Variants in CLSTN2 observed in about 807,000 individuals in gnomAD.
CLSTN2 encodes calsyntenin-2.
A neutral mutation model predicts 101.2 loss-of-function variants in CLSTN2; 48 were observed. The ratio of observed to expected loss-of-function variants is 0.47; its 90% CI spans 0.38 to 0.60. CLSTN2 has a LOEUF of 0.60. CLSTN2 is among the 20% of genes least tolerant of loss of function. CLSTN2 has a pLI of 0.00. For synonymous variants in CLSTN2, 481 were observed against 463.6 expected (o/e 1.04, Z -0.48); for missense variants, 1,160 against 1,238.2 (o/e 0.94, Z 0.95).
Position 140,034,459 on chromosome 3 carries a change from G to A in CLSTN2, c.109+98976G>A, listed in dbSNP as rs572567054. ...AATTGGAATCAAAGTTTGAAATGGGGCTTGTACTCCCCATAGAGGTACCCT... is the reference window on the plus strand; with the variant it reads ...AATTGGAATCAAAGTTTGAAATGGGACTTGTACTCCCCATAGAGGTACCCT... On this transcript the variant is annotated intron_variant, in intron 1 of 16. Coordinates refer to ENST00000458420, the MANE Select transcript of CLSTN2 (RefSeq NM_022131.3). Among the ~76,000 whole-genome samples, 6 of 152,304 alleles carry A rather than the reference G, an allele frequency of 3.9e-5. No individual in the cohort carries two copies. In the South Asian group the frequency reaches 1.2e-3, roughly 32 times the overall value.
At chr3:140,262,099 T>C (rs76605415) in intron 2 of CLSTN2, among the ~76,000 whole-genome samples, 1,538 of 152,332 alleles carry the variant, frequency 0.01, 26 homozygotes, top group African/African-American at 0.035. Flanking sequence ...AGTTTTTTGA[T>C]TTGGGAAATG....
chr3:140,125,421 A>T (rs2009413964), intron 1 of CLSTN2, among the ~76,000 whole-genome samples: 1 of 151,984 alleles, frequency 6.6e-6, no homozygotes, highest in Non-Finnish European at 1.5e-5. Flanking sequence ...CATGGGGAGG[A>T]GGGAGGTTTC....
chr3:139,954,669 T>TC (rs1253030179), intron 1 of CLSTN2, among the ~76,000 whole-genome samples: 1 of 152,162 alleles, frequency 6.6e-6, no homozygotes. Flanking sequence ...TTCAGTATTT[T>TC]CCCAGAGCAC....
At chr3:140,118,345 G>T (rs1163188950) in intron 1 of CLSTN2, among the ~76,000 whole-genome samples, 1 of 152,156 alleles carries the variant, frequency 6.6e-6, no homozygotes, top group Non-Finnish European at 1.5e-5. Context: ...AAAGACAAAA[G>T]AAAAGTGGGA....
chr3:140,563,178 C>T lies in CLSTN2; in HGVS notation c.2457C>T (p.Ser819=). ...PFLQSVHHPE[S]RSSIQHSSVV... Reference sequence around the variant, plus strand: ...TCCAGTCTGTCCATCATCCTGAGTCCCGGAGTAGCATCCAGCACAGTTCAG... The same window carrying T: ...TCCAGTCTGTCCATCATCCTGAGTCTCGGAGTAGCATCCAGCACAGTTCAG... The change falls in exon 15 of 17, where the codon TCC becomes TCT. Residue 819 remains serine, a synonymous_variant. Coordinates refer to ENST00000458420, the MANE Select transcript of CLSTN2 (RefSeq NM_022131.3). The T allele has an allele frequency of 6.2e-7, 1 of 1,614,058 alleles. No homozygotes were observed. The highest frequency in any genetic ancestry group is 2.2e-5 in the East Asian group (1 of 44,870).
intron 1 of CLSTN2, among the ~76,000 whole-genome samples, chr3:140,001,858 G>T (rs1041388947): frequency 5.3e-5 from 8 of 151,914 alleles, no homozygotes; most frequent in African/African-American, 1.9e-4. Context: ...CCATAAATAA[G>T]TGGGAACGTG....
chr3:140,240,325 C>T (rs143455932), intron 2 of CLSTN2, among the ~76,000 whole-genome samples: 7 of 148,930 alleles, frequency 4.7e-5, no homozygotes, highest in Non-Finnish European at 1.0e-4. Context: ...CACACATACA[C>T]ATACACATAC....
At chr3:140,396,441 T>C (rs1009673489) in intron 2 of CLSTN2, among the ~76,000 whole-genome samples, 1 of 152,140 alleles carries the variant, frequency 6.6e-6, no homozygotes, top group African/African-American at 2.4e-5. Context: ...TTGCCTGAGG[T>C]GTGTGACTTT....
intron 2 of CLSTN2, among the ~76,000 whole-genome samples, chr3:140,367,511 CAAAAA>C (rs34398474): frequency 6.0e-3 from 578 of 96,792 alleles, no homozygotes; most frequent in African/African-American, 6.6e-3. Context: ...CACTTTGTCT[CAAAAA>C]AAAAAAAAAA....
intron 1 of CLSTN2, among the ~76,000 whole-genome samples, chr3:140,034,908 G>A (rs768336): frequency 0.52 from 79,688 of 152,034 alleles, 22,244 homozygotes; most frequent in South Asian, 0.76. Context: ...GTACACAACA[G>A]AAGTTAGGAT....
chr3:140,205,181 C>A (rs1195871634), intron 2 of CLSTN2, among the ~76,000 whole-genome samples: 2 of 152,222 alleles, frequency 1.3e-5, no homozygotes, highest in Non-Finnish European at 2.9e-5. Context: ...GATCACACAG[C>A]ATCCAAAGGT....
intron 1 of CLSTN2, among the ~76,000 whole-genome samples, chr3:140,163,255 C>T (rs2010079666): frequency 6.6e-6 from 1 of 152,126 alleles, no homozygotes. Context: ...AGTTGAAGAG[C>T]TTTGACAGCA....
intron 1 of CLSTN2, among the ~76,000 whole-genome samples, chr3:140,171,692 ATTAATATATAATATGT>A (rs2010223060): frequency 9.6e-6 from 1 of 104,244 alleles, no homozygotes; most frequent in Non-Finnish European, 1.8e-5. Context: ...TATAATATAT[ATTAATATATAATATGT>A]ATTATGTATT....
At chr3:140,044,464 G>A (rs1576407786) in intron 1 of CLSTN2, among the ~76,000 whole-genome samples, 1 of 152,316 alleles carries the variant, frequency 6.6e-6, no homozygotes, top group Non-Finnish European at 1.5e-5. Context: ...ATACAATCAT[G>A]TCATCTGCAA....
At chr3:140,190,591 C>T (rs1475150278) in intron 2 of CLSTN2, among the ~76,000 whole-genome samples, 4 of 151,792 alleles carry the variant, frequency 2.6e-5, no homozygotes, top group African/African-American at 9.7e-5. Flanking sequence ...CATTTCTTTT[C>T]TTTCATTAGT....
intron 10 of CLSTN2, among the ~76,000 whole-genome samples, chr3:140,548,028 G>A (rs113392512): frequency 3.0e-4 from 46 of 152,294 alleles, no homozygotes; most frequent in African/African-American, 1.1e-3. Context: ...CCTGCCTTGG[G>A]CCTGCCTCTC....
At chr3:140,430,964 T>A (rs1186844388) in intron 5 of CLSTN2, among the ~76,000 whole-genome samples, 3 of 152,162 alleles carry the variant, frequency 2.0e-5, no homozygotes, top group Admixed American at 6.5e-5. Context: ...AAAAGGGGAT[T>A]GAGAATTTCC....
intron 7 of CLSTN2, among the ~76,000 whole-genome samples, chr3:140,465,503 G>A (rs1221167922): frequency 2.6e-5 from 4 of 152,198 alleles, no homozygotes; most frequent in Non-Finnish European, 5.9e-5. Flanking sequence ...ACATGGTCAT[G>A]GATCCTGAAC....
chr3:140,437,728 G>A (rs1241543892), intron 5 of CLSTN2, among the ~76,000 whole-genome samples: 1 of 152,220 alleles, frequency 6.6e-6, no homozygotes, highest in Non-Finnish European at 1.5e-5. Flanking sequence ...AGAACCTGAG[G>A]TAGTAAGTGG....
Sources: allele counts gnomAD v4.1 joint callset (sites outside exome capture counted in the v4.1 genomes callset), GRCh38; gene constraint gnomAD v4.1.1; transcripts MANE v1.5; gene names NCBI Gene and HGNC (gene_info 2026-07-23, HGNC 2026-07-21).